The following RBFOX1 variants were observed in gnomAD, a reference collection of about 807,000 sequenced individuals.
The protein encoded by RBFOX1 is RNA binding fox-1 homolog 1.
In RBFOX1, 8 loss-of-function variants were observed where a neutral mutation model predicts 57.7. That is an observed-to-expected ratio of 0.14 (90% CI 0.08 to 0.25). The LOEUF (loss-of-function observed/expected upper bound fraction) is 0.25. RBFOX1 is among the 10% of genes least tolerant of loss of function. The pLI is 1.00. For missense variants in RBFOX1, 611 were observed against 548.5 expected, an observed-to-expected ratio of 1.11 and a Z score of -1.14; for synonymous variants, 326 against 222.4, an observed-to-expected ratio of 1.47 and a Z score of -4.15.
At chr16:5,498,102 A>T (rs1190065914) in intron 2 of RBFOX1, among the ~76,000 whole-genome samples, 1 of 152,168 alleles carries the variant, frequency 6.6e-6, no homozygotes, top group Non-Finnish European at 1.5e-5. Context: ...CCTGGAGGTC[A>T]CTGAAGGTCT....
upstream of RBFOX1, among the ~76,000 whole-genome samples, chr16:6,014,832 A>C (rs2152341872): frequency 6.6e-6 from 1 of 151,756 alleles, no homozygotes; most frequent in Non-Finnish European, 1.5e-5. Context: ...TGGGAGGAGG[A>C]ATAAAAGGAT....
At chr16:5,759,494 C>T (rs781275245) in intron 3 of RBFOX1, among the ~76,000 whole-genome samples, 1 of 152,228 alleles carries the variant, frequency 6.6e-6, no homozygotes, top group Non-Finnish European at 1.5e-5. Flanking sequence ...AATGCATACA[C>T]CTCTCAGGCT....
chr16:6,882,934 T>C (rs888671531), intron 3 of RBFOX1, among the ~76,000 whole-genome samples: 1 of 152,188 alleles, frequency 6.6e-6, no homozygotes, highest in East Asian at 1.9e-4. Context: ...CAGGATGTCT[T>C]AGGCGGCTTC....
At chr16:5,644,452 A>G (rs1033041535) in intron 3 of RBFOX1, among the ~76,000 whole-genome samples, 9 of 152,312 alleles carry the variant, frequency 5.9e-5, no homozygotes, top group Non-Finnish European at 1.3e-4. Context: ...TGGGCTCCAG[A>G]TGGGTTGAAG....
chr16:7,460,383 ATATATATGTGTGTGTG>A (rs2059327844), intron 4 of RBFOX1, among the ~76,000 whole-genome samples: 1 of 87,406 alleles, frequency 1.1e-5, no homozygotes, highest in Non-Finnish European at 2.0e-5. Context: ...ATATATATAT[ATATATATGTGTGTGTG>A]TGTGTGTGTG....
intron 4 of RBFOX1, among the ~76,000 whole-genome samples, chr16:7,410,677 C>G (rs2098415499): frequency 7.8e-6 from 1 of 128,662 alleles, no homozygotes; most frequent in Non-Finnish European, 1.7e-5. Flanking sequence ...AACTCTATCC[C>G]AAAAACAAAA....
chr16:6,504,053 C>G (rs1306312407), intron 2 of RBFOX1, among the ~76,000 whole-genome samples: 1 of 152,180 alleles, frequency 6.6e-6, no homozygotes, highest in African/African-American at 2.4e-5. Context: ...TGTTTCAGCA[C>G]CACTGATAAT....
intron 2 of RBFOX1, among the ~76,000 whole-genome samples, chr16:6,646,554 A>G (rs928293294): frequency 1.3e-5 from 2 of 152,042 alleles, no homozygotes; most frequent in African/African-American, 4.8e-5. Flanking sequence ...AACACCTGCC[A>G]CTTCTGTGTG....
intron 2 of RBFOX1, among the ~76,000 whole-genome samples, chr16:6,452,977 G>T (rs533937146): frequency 1.3e-5 from 2 of 152,118 alleles, no homozygotes; most frequent in African/African-American, 4.8e-5. Context: ...ATGATGTTCA[G>T]CGTTGCTTTG....
At chr16:6,697,297 G>T (rs1450392979) in intron 3 of RBFOX1, among the ~76,000 whole-genome samples, 1 of 152,070 alleles carries the variant, frequency 6.6e-6, no homozygotes, top group East Asian at 1.9e-4. Context: ...CTGTAGTCAT[G>T]GTACTTGACT....
In RBFOX1 at chr16:6,816,105, C is replaced by T. The variant is rs543773483; in HGVS notation, c.-16+161455C>T. 2.4e-4 allele frequency among the ~76,000 whole-genome samples: 37 copies of T among 152,050 alleles called. 1 individual carries two copies. The highest frequency in any genetic ancestry group is 3.4e-3 in the Middle Eastern group (1 of 294). Reference sequence around the variant, plus strand: ...GGAGGATTGCTTGAGCTGAGGAGTTCGAGACCAGCCTGTGCAACATGAGGA... The same window carrying T: ...GGAGGATTGCTTGAGCTGAGGAGTTTGAGACCAGCCTGTGCAACATGAGGA... On this transcript the variant is annotated intron_variant, in intron 3 of 15. Coordinates refer to ENST00000550418, the MANE Select transcript of RBFOX1 (RefSeq NM_018723.4).
At chr16:5,776,946 G>A (rs7342739) in intron 3 of RBFOX1, among the ~76,000 whole-genome samples, 27 of 152,304 alleles carry the variant, frequency 1.8e-4, no homozygotes, top group African/African-American at 6.5e-4. Context: ...CTCTGGAATT[G>A]AATTTTAAAT....
intron 7 of RBFOX1, among the ~76,000 whole-genome samples, chr16:7,593,671 T>C (rs1435241541): frequency 1.3e-5 from 2 of 152,232 alleles, no homozygotes; most frequent in South Asian, 4.1e-4. Flanking sequence ...TGTGAATTTT[T>C]TTTTTTTCCA....
chr16:7,547,760 G>A (rs1328171220), intron 5 of RBFOX1, among the ~76,000 whole-genome samples: 1 of 152,210 alleles, frequency 6.6e-6, no homozygotes, highest in Non-Finnish European at 1.5e-5. Context: ...GGAAACAGTT[G>A]TATAGTTCTT....
chr16:6,336,173 ATATATATATTTTTTTTTTTTTTTTTT>A (rs1477799217), intron 2 of RBFOX1, among the ~76,000 whole-genome samples: 9 of 34,184 alleles, frequency 2.6e-4, no homozygotes, highest in African/African-American at 7.7e-4. Context: ...ATATATATAT[ATATATATATTTTTTTTTTTTTTTTTT>A]TTTTTTTTTT....
At chr16:6,316,908 G>T in intron 1 of RBFOX1, 87 bp from the exon 2 acceptor site, 2 of 1,047,368 alleles carry the variant, frequency 1.9e-6, no homozygotes, top group South Asian at 1.5e-5. Context: ...TTGAAGGTTG[G>T]TCCATATTAC....
chr16:7,106,439 G>GA (rs372356630), intron 4 of RBFOX1, among the ~76,000 whole-genome samples: 1 of 151,950 alleles, frequency 6.6e-6, no homozygotes, highest in African/African-American at 2.4e-5. Context: ...AACAGAGAAA[G>GA]AAAAAAACAC....
chr16:5,715,944 C>G (rs111799563), intron 3 of RBFOX1, among the ~76,000 whole-genome samples: 15 of 152,302 alleles, frequency 9.8e-5, no homozygotes, highest in African/African-American at 3.6e-4. Flanking sequence ...TTGTATTTGT[C>G]TAATTCTTCA....
intron 1 of RBFOX1, among the ~76,000 whole-genome samples, chr16:5,411,310 C>G (rs777596297): frequency 2.6e-5 from 4 of 152,068 alleles, no homozygotes; most frequent in South Asian, 2.1e-4. Flanking sequence ...AGTGAAATCA[C>G]GAGTCACAGT....
Sources: allele counts gnomAD v4.1 joint callset (sites outside exome capture counted in the v4.1 genomes callset), GRCh38; gene constraint gnomAD v4.1.1; transcripts MANE v1.5; gene names NCBI Gene and HGNC (gene_info 2026-07-23, HGNC 2026-07-21).